Variants in RAP1GDS1 observed in about 807,000 individuals in gnomAD.
RAP1GDS1 encodes the protein RAP1, GTP-GDP dissociation stimulator 1.
A neutral mutation model predicts 71.1 loss-of-function variants in RAP1GDS1; 35 were observed. The observed-to-expected ratio is 0.49, with a 90% CI of 0.38 to 0.65. The LOEUF (loss-of-function observed/expected upper bound fraction) is 0.65. Ranked by LOEUF, RAP1GDS1 falls within the 30% of genes least tolerant of loss-of-function variation. The pLI is 0.00. For synonymous variants in RAP1GDS1, 229 were observed against 243.1 expected (o/e 0.94, Z 0.54); for missense variants, 663 against 706.1 (o/e 0.94, Z 0.69).
At chr4:98,430,976 G>C (rs765507260) in intron 12 of RAP1GDS1, among the ~76,000 whole-genome samples, 6 of 152,164 alleles carry the variant, frequency 3.9e-5, no homozygotes, top group Non-Finnish European at 7.3e-5. Flanking sequence ...ACCTTTCTTT[G>C]AAAGAGTGCC....
At position 98,293,064 on chromosome 4, in the gene RAP1GDS1, T is replaced by C. The variant is rs115011260; in HGVS notation, c.5-344T>C. Among the ~76,000 whole-genome samples, 1,001 of 152,298 alleles carry C rather than the reference T, an allele frequency of 6.6e-3. 8 individuals carry two copies. The highest frequency in any genetic ancestry group is 0.017 in the South Asian group (81 of 4,826). ...CAATGAAATAAAATGTTTGTAAAAC[T>C]ATATAATTTTTTATGAACATTTAAT... On this transcript the variant is annotated intron_variant, in intron 1 of 14. Coordinates refer to ENST00000408927, the MANE Select transcript of RAP1GDS1 (RefSeq NM_001100427.2).
intron 12 of RAP1GDS1, among the ~76,000 whole-genome samples, chr4:98,425,204 A>G (rs1749445707): frequency 1.3e-5 from 2 of 152,200 alleles, no homozygotes; most frequent in Admixed American, 6.5e-5. Context: ...ATTCACCACT[A>G]CCAAGCCAGC....
intron 7 of RAP1GDS1, among the ~76,000 whole-genome samples, chr4:98,415,073 C>T (rs918253495): frequency 6.6e-5 from 10 of 151,942 alleles, no homozygotes; most frequent in South Asian, 4.2e-4. Flanking sequence ...TTTTGTATTC[C>T]CCAGGGTATT....
At chr4:98,350,645 G>A (rs6844405) in intron 3 of RAP1GDS1, among the ~76,000 whole-genome samples, 310 of 152,126 alleles carry the variant, frequency 2.0e-3, no homozygotes, top group African/African-American at 7.2e-3. Flanking sequence ...CAAGACCAGC[G>A]TGGCCAACAT....
intron 4 of RAP1GDS1, among the ~76,000 whole-genome samples, chr4:98,361,436 G>A (rs1738735031): frequency 6.6e-6 from 1 of 151,978 alleles, no homozygotes; most frequent in Non-Finnish European, 1.5e-5. Flanking sequence ...TGTGTATAAA[G>A]ATATTCAGTC....
intron 4 of RAP1GDS1, among the ~76,000 whole-genome samples, chr4:98,370,548 A>G (rs1456782200): frequency 6.6e-6 from 1 of 151,316 alleles, no homozygotes; most frequent in African/African-American, 2.4e-5. Context: ...GTAACACACC[A>G]TAAAAAAATT....
intron 14 of RAP1GDS1, among the ~76,000 whole-genome samples, chr4:98,439,681 T>C (rs1473736112): frequency 6.6e-6 from 1 of 152,222 alleles, no homozygotes; most frequent in East Asian, 1.9e-4. Flanking sequence ...TTATTTCCCT[T>C]GTCCCCTCTA....
intron 6 of RAP1GDS1, 115 bp downstream of exon 6, chr4:98,392,195 T>A (rs1743805531): frequency 1.0e-6 from 1 of 997,460 alleles, no homozygotes; most frequent in Non-Finnish European, 1.4e-6. Flanking sequence ...GTTTATTTTT[T>A]GAAGCATTTG....
intron 12 of RAP1GDS1, among the ~76,000 whole-genome samples, chr4:98,431,855 A>G (rs1280218610): frequency 6.6e-6 from 1 of 152,208 alleles, no homozygotes; most frequent in Non-Finnish European, 1.5e-5. Flanking sequence ...TTTTAATCCC[A>G]TATTCTATAA....
intron 12 of RAP1GDS1, among the ~76,000 whole-genome samples, chr4:98,423,574 C>T (rs1467762582): frequency 3.3e-5 from 5 of 151,558 alleles, no homozygotes; most frequent in East Asian, 3.9e-4. Context: ...GACAGAGTTT[C>T]GCTCTTGTTG....
In RAP1GDS1 at chr4:98,298,214, A is replaced by G. The variant is rs149163497; in HGVS notation, c.112+4699A>G. The stretch of plus-strand genomic sequence containing the variant: ...TCATCTTCACAACACTGAAAGTGAA[A>G]GATGAAGCAGCAGCTGCTGATGGAG... On this transcript the variant is annotated intron_variant, in intron 2 of 14. Transcript: ENST00000408927. Among the ~76,000 whole-genome samples the G allele has an allele frequency of 7.0e-3, 1,059 of 152,338 alleles. 10 individuals carry two copies. The highest frequency in any genetic ancestry group is 0.011 in the Non-Finnish European group (770 of 68,026).
At chr4:98,272,451 T>C (rs1472416560) in intron 1 of RAP1GDS1, among the ~76,000 whole-genome samples, 1 of 152,172 alleles carries the variant, frequency 6.6e-6, no homozygotes, top group Admixed American at 6.5e-5. Flanking sequence ...GTCAAGTGAA[T>C]ATGGCAGGTG....
chr4:98,312,050 A>T (rs778035286), intron 2 of RAP1GDS1, among the ~76,000 whole-genome samples: 1 of 152,224 alleles, frequency 6.6e-6, no homozygotes, highest in Non-Finnish European at 1.5e-5. Flanking sequence ...AGAGGATGGT[A>T]AATAATGGAA....
chr4:98,297,012 C>A, intron 2 of RAP1GDS1: 1 of 179,884 alleles, frequency 5.6e-6, no homozygotes, highest in South Asian at 9.0e-5. Context: ...TCCCCTGCCT[C>A]GTTCTCTTTT....
rs1223460691 is a variant in RAP1GDS1, at chr4:98,307,843, T to G, written c.112+14328T>G. Among the ~76,000 whole-genome samples, 4 of 152,324 alleles carry G rather than the reference T, an allele frequency of 2.6e-5. No individual in the cohort carries two copies. The East Asian group carries it at 7.7e-4, about 29-fold the overall frequency. ...CTTGCCCTTATAACTAAAGCCGACTTACTGTATTGGGTTAAGCTTCCAGTG... is the reference window on the plus strand; with the variant it reads ...CTTGCCCTTATAACTAAAGCCGACTGACTGTATTGGGTTAAGCTTCCAGTG... On this transcript the variant is annotated intron_variant, in intron 2 of 14. Transcript: ENST00000408927.
chr4:98,384,530 G>A (rs1213678751), intron 5 of RAP1GDS1, among the ~76,000 whole-genome samples: 1 of 151,610 alleles, frequency 6.6e-6, no homozygotes, highest in Admixed American at 6.6e-5. Context: ...GGTGCCTCTT[G>A]CTAATTCAAC....
intron 4 of RAP1GDS1, among the ~76,000 whole-genome samples, chr4:98,354,410 C>G (rs1054010601): frequency 2.6e-5 from 4 of 152,182 alleles, no homozygotes; most frequent in African/African-American, 9.6e-5. Context: ...TTGAATTATA[C>G]ATTGTTTGAA....
At position 98,282,882 on chromosome 4, in the gene RAP1GDS1, G is replaced by T. The variant is rs529707663; in HGVS notation, c.5-10526G>T. ...CTGCCGTCACTTTGTTATTTACCTA[G>T]TAGTCATTCAGGAGCGGGTTGTTCA... On this transcript the variant is annotated intron_variant, in intron 1 of 14. Coordinates refer to ENST00000408927, the MANE Select transcript of RAP1GDS1 (RefSeq NM_001100427.2). Among the ~76,000 whole-genome samples, 20 of 152,216 alleles carry T rather than the reference G, an allele frequency of 1.3e-4. No individual in the cohort carries two copies. The South Asian group carries it at 4.1e-3, about 32-fold the overall frequency.
intron 12 of RAP1GDS1, among the ~76,000 whole-genome samples, chr4:98,424,825 C>G (rs1313597683): frequency 4.0e-5 from 6 of 150,730 alleles, no homozygotes; most frequent in Non-Finnish European, 8.9e-5. Context: ...GGAGAATAAT[C>G]AAGGAAGACT....
Sources: gnomAD v4.1 joint callset for allele counts (sites outside exome capture counted in the v4.1 genomes callset) on GRCh38, gnomAD v4.1.1 for gene constraint, MANE v1.5 for transcripts, NCBI Gene and HGNC (gene_info 2026-07-23, HGNC 2026-07-21) for gene names.